The following PODNL1 variants were observed in gnomAD, a reference collection of about 807,000 sequenced individuals.
The protein encoded by PODNL1 is podocan like 1, also known as podocan-like protein 1.
Under a neutral mutation model 45.1 loss-of-function variants are expected in PODNL1, and 50 were observed. That is an observed-to-expected ratio of 1.11 (90% confidence interval 0.88 to 1.40). PODNL1 has a LOEUF of 1.40. Ranked by LOEUF, PODNL1 falls within the 40% of genes most tolerant of loss-of-function variation. PODNL1 has a pLI of 0.00. For missense variants in PODNL1, 788 were observed against 793.3 expected, an observed-to-expected ratio of 0.99 and a Z score of 0.08; for synonymous variants, 406 against 372.5, an observed-to-expected ratio of 1.09 and a Z score of -1.04.
intron 3 of PODNL1, 114 bp from the exon 4 acceptor site, chr19:13,936,158 G>A (rs1482899531): frequency 1.1e-5 from 11 of 1,035,630 alleles, no homozygotes; most frequent in South Asian, 1.4e-5. Context: ...AGGCTCCCCA[G>A]GCCCTCAGAT....
upstream of PODNL1, among the ~76,000 whole-genome samples, chr19:13,941,779 C>T (rs900780592): frequency 1.3e-5 from 2 of 152,102 alleles, no homozygotes; most frequent in African/African-American, 4.8e-5. Flanking sequence ...CATCACTGCA[C>T]TCCAGCCTGG....
chr19:13,942,951 C>T (rs887483639), upstream of PODNL1, among the ~76,000 whole-genome samples: 4 of 150,070 alleles, frequency 2.7e-5, no homozygotes, highest in Non-Finnish European at 4.4e-5. Context: ...CAGTGAGCCG[C>T]GATCACACCA....
chr19:13,935,936 G>C (rs767226957), intron 4 of PODNL1, 44 bp downstream of exon 4: 3 of 1,543,728 alleles, frequency 1.9e-6, no homozygotes, highest in East Asian at 2.4e-5. Context: ...GACTGAAGCT[G>C]CACCCTCACT....
intron 5 of PODNL1, among the ~76,000 whole-genome samples, chr19:13,934,799 ATG>A (rs1245145188): frequency 2.0e-5 from 3 of 151,398 alleles, no homozygotes; most frequent in African/African-American, 7.3e-5. Context: ...GAGTGTGTGC[ATG>A]TGATTGTAAG....
At position 13,933,131 on chromosome 19, in the gene PODNL1, G is replaced by A. The variant is rs371100559; in HGVS notation, c.1092C>T (p.Ala364=). 13 of 1,528,166 alleles carry A rather than the reference G, an allele frequency of 8.5e-6. No homozygotes were observed. In the African/African-American group the frequency reaches 1.2e-4, roughly 14 times the overall value. 94.7% of individuals were successfully genotyped at this position (1,528,166 alleles called of 1,614,324 possible). The change falls in exon 8 of 10, where the codon GCC becomes GCT. Residue 364 remains alanine, a synonymous_variant. Transcript: ENST00000588872. This position sits in a 1 kb window ranked among gnomAD's most constrained non-coding sequence, Gnocchi z 5.2. ...RALVLPHNHV[A]ALGARDLVAT... is the part of the protein sequence containing the mutation. ...CGACCAGGTCACGGGCACCCAGCGCGGCCACGTGGTTGTGGGGCAGCACCA... is the reference window on the plus strand; with the variant it reads ...CGACCAGGTCACGGGCACCCAGCGCAGCCACGTGGTTGTGGGGCAGCACCA...
Position 13,936,383 on chromosome 19 carries a change from G to C in PODNL1, c.303C>G (p.Asn101Lys), listed in dbSNP as rs1184108107. ...SGLRTLNLHN[N>K]LISSEGLPDE... is the part of the protein sequence containing the mutation. ...CCCCCTCACCTTCGGAGGAGATGAG[G>C]TTGTTGTGGAGGTTGAGGGTTCGCA... The change falls in exon 3 of 10, where the codon AAC becomes AAG. Residue 101 changes from asparagine to lysine, a missense_variant. Physicochemically the swap from Asn to Lys is moderately conservative, Grantham distance 94 (BLOSUM62 0). This residue lies in a region of PODNL1 where 762 missense variants were observed against 750.9 expected (regional missense o/e 1.01). Coordinates refer to ENST00000588872, the MANE Select transcript of PODNL1 (RefSeq NM_001370095.3). The C allele has an allele frequency of 6.2e-7, 1 of 1,613,150 alleles. No homozygotes were observed. Among genetic ancestry groups the C allele is most frequent in the East Asian group, 2.2e-5 (1 of 44,866 alleles).
upstream of PODNL1, chr19:13,939,902 AT>A (rs1972591720): frequency 6.6e-6 from 1 of 151,112 alleles, no homozygotes; most frequent in African/African-American, 2.5e-5. Flanking sequence ...CTAACCTGGT[AT>A]GGTGGTGCAC....
upstream of PODNL1, among the ~76,000 whole-genome samples, chr19:13,943,108 C>T (rs573120212): frequency 7.9e-5 from 12 of 151,692 alleles, no homozygotes; most frequent in Non-Finnish European, 1.5e-4. Flanking sequence ...ACCAGCCTGA[C>T]AAACATGGAT....
intron 8 of PODNL1, chr19:13,932,344 A>G (rs1972005040): frequency 2.0e-6 from 1 of 492,692 alleles, no homozygotes; most frequent in Admixed American, 3.9e-5. Flanking sequence ...CAGTCATTGA[A>G]TCGCACCATA....
chr19:13,933,097 C>A lies in PODNL1; in HGVS notation c.1126G>T (p.Gly376Cys). The change falls in exon 8 of 10, where the codon GGC (glycine) becomes TGC (cysteine). Residue 376 changes from glycine to cysteine, a missense_variant. Gly to Cys is a radical substitution (Grantham distance 159). Coordinates refer to ENST00000588872, the MANE Select transcript of PODNL1 (RefSeq NM_001370095.3). The surrounding 1 kb of genome is among the most constrained non-coding windows in gnomAD (Gnocchi z 5.2). ...TAGGCCAGGTTAAGCTCCGTCAGGC[C>A]CGGTGTGGCGACCAGGTCACGGGCA... is the stretch of plus-strand genomic sequence containing the variant. ...LGARDLVATPGLTELNLAYNR... is the reference protein window; with the variant it reads ...LGARDLVATPCLTELNLAYNR... 6.5e-7 allele frequency: 1 copy of A among 1,529,956 alleles called. No individual in the cohort carries two copies. The highest frequency in any genetic ancestry group is 1.4e-5 in the African/African-American group (1 of 73,286). 94.8% of individuals were successfully genotyped at this position (1,529,956 alleles called of 1,614,324 possible). A position where few individuals can be genotyped will look rare whatever the true frequency, so the allele number is the denominator to read the frequency against.
rs1331124021 is a variant in PODNL1, at chr19:13,935,782, G to C, written c.433C>G (p.Leu145Val). The C allele has an allele frequency of 2.6e-5, 41 of 1,598,894 alleles. No individual in the cohort carries two copies. The highest frequency in any genetic ancestry group is 3.3e-5 in the Non-Finnish European group (39 of 1,175,568). The change falls in exon 5 of 10, where the codon CTG (leucine) becomes GTG (valine). Residue 145 changes from leucine to valine, a missense_variant. Around this residue, in one of 3 missense-constraint regions of PODNL1, gnomAD observed 762 missense variants for 750.9 expected, o/e 1.01. Coordinates refer to ENST00000588872, the MANE Select transcript of PODNL1 (RefSeq NM_001370095.3). ...FLPRSLRVADLAANQVMEIFP... is the reference protein window; with the variant it reads ...FLPRSLRVADVAANQVMEIFP... ...ATCTCCATCACTTGGTTGGCAGCCA[G>C]ATCCGCGACACGGAGGGACCGGGGC...
rs1223868743 is a variant in PODNL1 at position 13,936,569 on chromosome 19, C to A, written c.226-109G>T. 4 of 797,270 alleles carry A rather than the reference C, an allele frequency of 5.0e-6. No individual in the cohort carries two copies. In the African/African-American group the frequency reaches 6.8e-5, roughly 14 times the overall value. 49.4% of individuals were successfully genotyped at this position (797,270 alleles called of 1,614,324 possible). Reference sequence around the variant, plus strand: ...CCAAACCAGCCCCATACCATCATCACCCCCACAGTTAATCCCAAACACCCC... The same window carrying A: ...CCAAACCAGCCCCATACCATCATCAACCCCACAGTTAATCCCAAACACCCC... On this transcript the variant is annotated intron_variant, in intron 2 of 9. Transcript: ENST00000588872.
chr19:13,941,152 G>T (rs556784306), upstream of PODNL1, among the ~76,000 whole-genome samples: 87 of 152,094 alleles, frequency 5.7e-4, no homozygotes, highest in African/African-American at 2.0e-3. Flanking sequence ...GATCACCTGA[G>T]GTCAGGAGTT....
chr19:13,939,326 C>G (rs529987161), upstream of PODNL1, among the ~76,000 whole-genome samples: 51 of 152,308 alleles, frequency 3.3e-4, no homozygotes, highest in Non-Finnish European at 6.5e-4. Flanking sequence ...ATTCTCCCGC[C>G]TCAGCCTCCC....
In PODNL1 at chr19:13,931,899, G is replaced by C; in HGVS notation, c.1575-12C>G. On this transcript the variant is annotated splice_polypyrimidine_tract_variant and intron_variant, in intron 9 of 9. Coordinates refer to ENST00000588872, the MANE Select transcript of PODNL1 (RefSeq NM_001370095.3). Reference sequence around the variant, plus strand: ...GAAGCCTGTTGGCCCTGCACAGAGAGGCGGTCATGACCCTCCCAGGCCCTC... The same window carrying C: ...GAAGCCTGTTGGCCCTGCACAGAGACGCGGTCATGACCCTCCCAGGCCCTC... 1 of 1,232,066 alleles carries C rather than the reference G, an allele frequency of 8.1e-7. No homozygotes were observed. Among genetic ancestry groups the C allele is most frequent in the Non-Finnish European group, 1.0e-6 (1 of 987,968 alleles). 76.3% of individuals were successfully genotyped at this position (1,232,066 alleles called of 1,614,324 possible). A position where few individuals can be genotyped will look rare whatever the true frequency, so the allele number is the denominator to read the frequency against.
At chr19:13,941,386 T>C (rs540228468), upstream of PODNL1, among the ~76,000 whole-genome samples, 19 of 139,314 alleles carry the variant, frequency 1.4e-4, no homozygotes, top group South Asian at 3.4e-3. Flanking sequence ...AAAAAAAAAG[T>C]ATAGCGTCTG....
At chr19:13,950,122 C>G (rs1972950173) in intron 1 of PODNL1, among the ~76,000 whole-genome samples, 1 of 152,016 alleles carries the variant, frequency 6.6e-6, no homozygotes, top group Non-Finnish European at 1.5e-5. Flanking sequence ...CCCACCTCAG[C>G]CTCCCAAAGT....
At chr19:13,940,300 G>A (rs541197892), upstream of PODNL1, among the ~76,000 whole-genome samples, 4 of 151,836 alleles carry the variant, frequency 2.6e-5, no homozygotes, top group East Asian at 1.9e-4. Flanking sequence ...GGCCAGGCGC[G>A]GTGGCTCACA....
At chr19:13,938,561 G>T (rs1972534203), upstream of PODNL1, 10 of 840,310 alleles carry the variant, frequency 1.2e-5, no homozygotes, top group Non-Finnish European at 1.3e-5. Context: ...AGGAGTAGGG[G>T]TGGGGATGGA....
Sources: gnomAD v4.1 joint callset for allele counts (sites outside exome capture counted in the v4.1 genomes callset) on GRCh38, gnomAD v4.1.1 for gene constraint, gnomAD v4.1.1 regional missense constraint, Gnocchi (gnomAD v3.1) non-coding constraint, MANE v1.5 for transcripts, NCBI Gene and HGNC (gene_info 2026-07-23, HGNC 2026-07-21) for gene names.